The following NAALADL2 variants were observed in gnomAD, a reference collection of about 807,000 sequenced individuals.
The protein encoded by NAALADL2 is N-acetylated alpha-linked acidic dipeptidase like 2, also known as inactive N-acetylated-alpha-linked acidic dipeptidase-like protein 2.
A neutral mutation model predicts 87.2 loss-of-function variants in NAALADL2; 76 were observed. The observed-to-expected ratio is 0.87, with a 90% confidence interval of 0.72 to 1.05. The LOEUF is 1.05. Among genes scored for constraint, NAALADL2 ranks in the 50% least tolerant of loss-of-function variants. The probability of loss-of-function intolerance (pLI) is 0.00; values close to 1 mark genes in which losing one functional copy is unlikely to be tolerated. For missense variants in NAALADL2, 1,089 were observed against 945.8 expected (o/e 1.15, Z -1.99); for synonymous variants, 354 against 331.0 (o/e 1.07, Z -0.75).
At chr3:174,537,534 A>G (rs1192524310) in intron 1 of NAALADL2, among the ~76,000 whole-genome samples, 1 of 152,184 alleles carries the variant, frequency 6.6e-6, no homozygotes, top group Non-Finnish European at 1.5e-5. Flanking sequence ...AAGAATATGT[A>G]CCTACTCTTG....
intron 9 of NAALADL2, among the ~76,000 whole-genome samples, chr3:175,498,943 A>G (rs541374361): frequency 6.6e-6 from 1 of 152,218 alleles, no homozygotes; most frequent in East Asian, 1.9e-4. Flanking sequence ...TACATTATTA[A>G]TTTTACTTAA....
At chr3:175,706,157 G>A (rs1467167003) in intron 11 of NAALADL2, among the ~76,000 whole-genome samples, 1 of 152,082 alleles carries the variant, frequency 6.6e-6, no homozygotes, top group Non-Finnish European at 1.5e-5. Context: ...GGGATATAGA[G>A]TTTCTTGTTC....
intron 2 of NAALADL2, among the ~76,000 whole-genome samples, chr3:174,688,870 G>C (rs1192483766): frequency 2.6e-5 from 4 of 152,072 alleles, no homozygotes; most frequent in African/African-American, 7.2e-5. Flanking sequence ...ATGGTTACTA[G>C]AGATGGTATT....
chr3:175,400,914 A>G (rs150797024), intron 5 of NAALADL2, among the ~76,000 whole-genome samples: 1 of 152,272 alleles, frequency 6.6e-6, no homozygotes, highest in Non-Finnish European at 1.5e-5. Flanking sequence ...TACCATTTCA[A>G]TGCTGGACTC....
chr3:175,568,471 T>G (rs1717563651), intron 9 of NAALADL2, among the ~76,000 whole-genome samples: 1 of 152,214 alleles, frequency 6.6e-6, no homozygotes, highest in Admixed American at 6.5e-5. Context: ...TAGAAGTAGT[T>G]TATTCCCATG....
chr3:174,483,890 A>G (rs1717706382), intron 1 of NAALADL2, among the ~76,000 whole-genome samples: 1 of 152,168 alleles, frequency 6.6e-6, no homozygotes, highest in Non-Finnish European at 1.5e-5. Context: ...AAAAAATATC[A>G]GTAAAAATAA....
chr3:175,229,220 A>T (rs1344684074), intron 2 of NAALADL2, among the ~76,000 whole-genome samples: 1 of 151,890 alleles, frequency 6.6e-6, no homozygotes, highest in Admixed American at 6.6e-5. Context: ...AAACAAAAAA[A>T]AAAGTTAAAT....
At chr3:174,623,301 A>G (rs1478943618) in intron 2 of NAALADL2, among the ~76,000 whole-genome samples, 2 of 152,190 alleles carry the variant, frequency 1.3e-5, no homozygotes, top group Non-Finnish European at 2.9e-5. Flanking sequence ...CATAATATGT[A>G]CTAGAGTTAA....
intron 11 of NAALADL2, among the ~76,000 whole-genome samples, chr3:175,717,173 C>T (rs1741416974): frequency 6.6e-6 from 1 of 152,076 alleles, no homozygotes; most frequent in East Asian, 1.9e-4. Context: ...TCAAGTGATC[C>T]TCCTGCCTCC....
At chr3:175,003,653 C>T (rs1748558477) in intron 1 of NAALADL2, among the ~76,000 whole-genome samples, 1 of 152,146 alleles carries the variant, frequency 6.6e-6, no homozygotes, top group African/African-American at 2.4e-5. Flanking sequence ...AATATACCTT[C>T]AGAGTCCTTC....
At chr3:174,773,090 C>G (rs555948679) in intron 3 of NAALADL2, among the ~76,000 whole-genome samples, 1 of 152,138 alleles carries the variant, frequency 6.6e-6, no homozygotes, top group Admixed American at 6.5e-5. Context: ...CCTAAAGTGA[C>G]AGCAGTCATG....
chr3:174,825,091 A>AT (rs1252755813), intron 3 of NAALADL2, among the ~76,000 whole-genome samples: 3 of 152,244 alleles, frequency 2.0e-5, no homozygotes, highest in African/African-American at 7.2e-5. Context: ...CCAGTGTATT[A>AT]TTTTCCAGAA....
chr3:175,103,316 T>A (rs896201254), intron 2 of NAALADL2, among the ~76,000 whole-genome samples: 1 of 152,042 alleles, frequency 6.6e-6, no homozygotes, highest in Non-Finnish European at 1.5e-5. Flanking sequence ...CTCTTCCTTC[T>A]GTCTCCTCTT....
intron 1 of NAALADL2, among the ~76,000 whole-genome samples, chr3:174,962,433 G>GTCATAGTCACTATGACATA (rs1742245895): frequency 1.9e-5 from 1 of 52,238 alleles, no homozygotes; most frequent in Non-Finnish European, 5.0e-5. Context: ...ATATATATAT[G>GTCATAGTCACTATGACATA]TATATTTTTA....
chr3:174,827,462 A>T (rs962988176), intron 3 of NAALADL2, among the ~76,000 whole-genome samples: 1 of 152,162 alleles, frequency 6.6e-6, no homozygotes, highest in Non-Finnish European at 1.5e-5. Flanking sequence ...AACAAACAAC[A>T]TCAGAGCAAG....
At chr3:174,684,178 ATAG>A (rs1402444466) in intron 2 of NAALADL2, among the ~76,000 whole-genome samples, 1 of 152,064 alleles carries the variant, frequency 6.6e-6, no homozygotes, top group Non-Finnish European at 1.5e-5. Flanking sequence ...AAAATTTAAA[ATAG>A]TATTACTTAT....
At chr3:174,998,331 T>G (rs1057144718) in intron 1 of NAALADL2, among the ~76,000 whole-genome samples, 1 of 152,216 alleles carries the variant, frequency 6.6e-6, no homozygotes, top group African/African-American at 2.4e-5. Context: ...CTTACAGATA[T>G]CTGGTTTTAT....
chr3:175,414,915 C>G (rs1419873520), intron 5 of NAALADL2, among the ~76,000 whole-genome samples: 1 of 152,116 alleles, frequency 6.6e-6, no homozygotes, highest in Non-Finnish European at 1.5e-5. Flanking sequence ...GATGAGTTCT[C>G]CTTCTGGGAC....
intron 2 of NAALADL2, among the ~76,000 whole-genome samples, chr3:175,126,158 G>T (rs776881942): frequency 3.9e-5 from 6 of 152,030 alleles, no homozygotes; most frequent in Non-Finnish European, 5.9e-5. Context: ...ATAGTTTCTG[G>T]GGGGTAGGAA....
Sources: gnomAD v4.1 joint callset for allele counts (sites outside exome capture counted in the v4.1 genomes callset) on GRCh38, gnomAD v4.1.1 for gene constraint, MANE v1.5 for transcripts, NCBI Gene and HGNC (gene_info 2026-07-23, HGNC 2026-07-21) for gene names.